Variants in PDE8B observed in about 807,000 individuals in gnomAD.
The protein encoded by PDE8B is phosphodiesterase 8B.
Under a neutral mutation model 101.3 loss-of-function variants are expected in PDE8B, and 26 were observed. The observed-to-expected ratio is 0.26, with a 90% CI of 0.19 to 0.36. PDE8B has a LOEUF of 0.36. PDE8B is among the 10% of genes least tolerant of loss of function. The pLI, the probability that PDE8B is intolerant of heterozygous loss-of-function variation, is 1.00. For synonymous variants in PDE8B, 424 were observed against 429.3 expected (o/e 0.99, Z 0.15); for missense variants, 810 against 1,163.1 (o/e 0.70, Z 4.42).
intron 6 of PDE8B, among the ~76,000 whole-genome samples, chr5:77,339,009 A>G (rs773372375): frequency 1.4e-4 from 22 of 152,230 alleles, no homozygotes; most frequent in Non-Finnish European, 2.9e-4. Context: ...CACCTTGTCC[A>G]TGATGAGCAG....
At chr5:77,152,830 C>G in the PDE8B span, among the ~76,000 whole-genome samples, 2 of 151,584 alleles carry the variant, frequency 1.3e-5, 1 homozygote, top group Non-Finnish European at 2.9e-5. Context: ...AGGACTGAGT[C>G]TTAGCATTGA....
intron 10 of PDE8B, among the ~76,000 whole-genome samples, chr5:77,391,139 A>G (rs569875592): frequency 6.6e-6 from 1 of 152,376 alleles, no homozygotes; most frequent in South Asian, 2.1e-4. Flanking sequence ...AATAATTTCT[A>G]CTGAAATGAC....
rs570183094 is a variant in PDE8B at position 77,419,662 on chromosome 5, C to T, written c.2130-105C>T. 22 of 1,332,604 alleles carry T rather than the reference C, an allele frequency of 1.7e-5. No homozygotes were observed. The East Asian group carries it at 4.9e-4, about 30-fold the overall frequency. 82.5% of individuals were successfully genotyped at this position (1,332,604 alleles called of 1,614,324 possible). A position where few individuals can be genotyped will look rare whatever the true frequency, so the allele number is the denominator to read the frequency against. On this transcript the variant is annotated intron_variant, in intron 18 of 21. Transcript: ENST00000264917. ...TCTGCACACATTTCTTAACTCTGTG[C>T]CCCAGCTTCCTCCTAGGTTGTGAGG...
At position 77,393,839 on chromosome 5, in the gene PDE8B, T is replaced by G. The variant is rs1302504560; in HGVS notation, c.1168-6409T>G. ...TCCTGGGCCTGTCAGAAAGTGATAT[T>G]CTTTACTTACCAGAGGCCGGGAACC... is the stretch of plus-strand genomic sequence containing the variant. On this transcript the variant is annotated intron_variant, in intron 10 of 21. Coordinates refer to ENST00000264917, the MANE Select transcript of PDE8B (RefSeq NM_003719.5). Among the ~76,000 whole-genome samples, 3 of 152,018 alleles carry G rather than the reference T, an allele frequency of 2.0e-5. No homozygotes were observed. In the East Asian group the frequency reaches 5.8e-4, roughly 29 times the overall value.
chr5:77,362,791 A>G (rs917965338), intron 10 of PDE8B, among the ~76,000 whole-genome samples: 5 of 152,120 alleles, frequency 3.3e-5, no homozygotes, highest in African/African-American at 9.7e-5. Flanking sequence ...CCCTCTGTCT[A>G]GCATGCTCTT....
intron 1 of PDE8B, among the ~76,000 whole-genome samples, chr5:77,229,372 A>T (rs1753080261): frequency 6.6e-6 from 1 of 152,248 alleles, no homozygotes; most frequent in African/African-American, 2.4e-5. Context: ...TGGCACGCAG[A>T]TACTGCTATA....
At chr5:77,339,296 A>G (rs894056192) in intron 6 of PDE8B, among the ~76,000 whole-genome samples, 1 of 152,184 alleles carries the variant, frequency 6.6e-6, no homozygotes, top group Non-Finnish European at 1.5e-5. Context: ...ATCAGTGTCA[A>G]ATTGGATAAT....
At chr5:77,250,943 A>G (rs952281075) in intron 1 of PDE8B, among the ~76,000 whole-genome samples, 4 of 152,238 alleles carry the variant, frequency 2.6e-5, no homozygotes, top group African/African-American at 7.2e-5. Flanking sequence ...AGCACATAGT[A>G]TAGATACTGG....
intron 1 of PDE8B, among the ~76,000 whole-genome samples, chr5:77,239,302 C>T (rs766181442): frequency 1.3e-5 from 2 of 152,188 alleles, no homozygotes; most frequent in Non-Finnish European, 2.9e-5. Context: ...TTTCAATGCT[C>T]TTTGAATATG....
the PDE8B span, among the ~76,000 whole-genome samples, chr5:77,115,590 CT>C: frequency 1.3e-5 from 2 of 152,244 alleles, no homozygotes; most frequent in South Asian, 4.2e-4. Flanking sequence ...ATGGTGGGTA[CT>C]TTCTGAACGT....
intron 2 of PDE8B, among the ~76,000 whole-genome samples, chr5:77,320,353 C>G: frequency 6.6e-6 from 1 of 152,206 alleles, no homozygotes; most frequent in East Asian, 1.9e-4. Context: ...CACAAGTTGG[C>G]TGAGCTCTGC....
the PDE8B span, among the ~76,000 whole-genome samples, chr5:77,089,042 C>T: frequency 1.3e-5 from 2 of 152,284 alleles, no homozygotes; most frequent in South Asian, 4.1e-4. Context: ...GGTTGGGTAT[C>T]TTCAAAGGCA....
At chr5:77,216,229 C>T (rs868318771) in intron 1 of PDE8B, among the ~76,000 whole-genome samples, 3 of 152,204 alleles carry the variant, frequency 2.0e-5, no homozygotes, top group Admixed American at 6.5e-5. Flanking sequence ...GGAGCTGTTA[C>T]TACCCCAGAA....
At chr5:77,235,763 G>A (rs1754537104) in intron 1 of PDE8B, among the ~76,000 whole-genome samples, 2 of 151,188 alleles carry the variant, frequency 1.3e-5, no homozygotes, top group African/African-American at 4.9e-5. Flanking sequence ...ATTGATTGAA[G>A]TGGGGGCCTA....
At chr5:77,249,931 G>A (rs923135754) in intron 1 of PDE8B, among the ~76,000 whole-genome samples, 4 of 152,194 alleles carry the variant, frequency 2.6e-5, no homozygotes, top group African/African-American at 9.6e-5. Flanking sequence ...TGCAAGCCTC[G>A]TACAAGAAGA....
At chr5:77,086,875 G>A in the PDE8B span, 1 of 152,338 alleles carries the variant, frequency 6.6e-6, no homozygotes, top group African/African-American at 2.4e-5. Context: ...GGAGTGCAGG[G>A]AAGGAGCAAG....
chr5:77,181,839 A>G, the PDE8B span, among the ~76,000 whole-genome samples: 1 of 152,178 alleles, frequency 6.6e-6, no homozygotes, highest in African/African-American at 2.4e-5. Context: ...GGAGACAATC[A>G]ACGAAAACAT....
At chr5:77,250,198 T>G (rs1312145817) in intron 1 of PDE8B, among the ~76,000 whole-genome samples, 1 of 152,242 alleles carries the variant, frequency 6.6e-6, no homozygotes, top group Non-Finnish European at 1.5e-5. Flanking sequence ...CATTTTCATC[T>G]TCACAGCAAC....
At chr5:77,311,012 T>C (rs946050834) in intron 1 of PDE8B, among the ~76,000 whole-genome samples, 2 of 152,186 alleles carry the variant, frequency 1.3e-5, no homozygotes, top group African/African-American at 4.8e-5. Context: ...CCCATGGCCC[T>C]TGGGTCACTG....
Sources: gnomAD v4.1 joint callset for allele counts (sites outside exome capture counted in the v4.1 genomes callset) on GRCh38, gnomAD v4.1.1 for gene constraint, MANE v1.5 for transcripts, NCBI Gene and HGNC (gene_info 2026-07-23, HGNC 2026-07-21) for gene names.